The following RPS6KC1 variants were observed in gnomAD, a reference collection of about 807,000 sequenced individuals.
RPS6KC1 encodes inactive ribosomal protein S6 kinase delta-1.
In RPS6KC1, 54 loss-of-function variants were observed where a neutral mutation model predicts 103.8. That is an observed-to-expected ratio of 0.52 (90% CI 0.42 to 0.65). RPS6KC1 has a LOEUF of 0.65. RPS6KC1 is among the 30% of genes least tolerant of loss of function. The pLI is 0.00. For missense variants in RPS6KC1, 1,151 were observed against 1,253.8 expected (o/e 0.92, Z 1.24); for synonymous variants, 439 against 438.7 (o/e 1.00, Z -0.01).
intron 10 of RPS6KC1, among the ~76,000 whole-genome samples, chr1:213,236,122 T>C (rs1269456067): frequency 6.6e-6 from 1 of 152,078 alleles, no homozygotes; most frequent in African/African-American, 2.4e-5. Flanking sequence ...TGCACACTCC[T>C]TATGGGAATC....
chr1:213,556,254 G>A, the RPS6KC1 span, among the ~76,000 whole-genome samples: 1 of 152,134 alleles, frequency 6.6e-6, no homozygotes, highest in Non-Finnish European at 1.5e-5. Context: ...GGAAGGGGAG[G>A]CAGACTGGGA....
At chr1:213,121,226 T>C (rs960585758) in intron 5 of RPS6KC1, among the ~76,000 whole-genome samples, 2 of 152,230 alleles carry the variant, frequency 1.3e-5, no homozygotes, top group African/African-American at 4.8e-5. Context: ...TGAGCCACTG[T>C]GCTTGGCCTG....
At chr1:213,416,648 C>T in the RPS6KC1 span, among the ~76,000 whole-genome samples, 1 of 152,232 alleles carries the variant, frequency 6.6e-6, no homozygotes, top group Non-Finnish European at 1.5e-5. Context: ...CCCACTGCCA[C>T]ACCCAGACCC....
intron 3 of RPS6KC1, among the ~76,000 whole-genome samples, chr1:213,092,528 C>T (rs975065965): frequency 1.3e-4 from 20 of 151,232 alleles, no homozygotes; most frequent in South Asian, 2.1e-4. Flanking sequence ...AAAATTAGGC[C>T]GGGCATGGTG....
the RPS6KC1 span, among the ~76,000 whole-genome samples, chr1:213,379,634 C>T: frequency 1.3e-5 from 2 of 152,280 alleles, no homozygotes; most frequent in Non-Finnish European, 2.9e-5. Flanking sequence ...CTCTAGCAAA[C>T]GCATACACCA....
the RPS6KC1 span, among the ~76,000 whole-genome samples, chr1:213,464,491 TCA>T: frequency 6.6e-6 from 1 of 152,204 alleles, no homozygotes; most frequent in Admixed American, 6.5e-5. Context: ...TTGATCAGAC[TCA>T]GTTTTATTTT....
chr1:213,680,206 A>G, the RPS6KC1 span, among the ~76,000 whole-genome samples: 1 of 152,220 alleles, frequency 6.6e-6, no homozygotes, highest in South Asian at 2.1e-4. Flanking sequence ...GAACACGAGT[A>G]TTGCACAAAG....
chr1:213,248,154 T>C (rs1410223877), intron 12 of RPS6KC1, among the ~76,000 whole-genome samples: 2 of 152,108 alleles, frequency 1.3e-5, no homozygotes, highest in Non-Finnish European at 2.9e-5. Context: ...CAAATAAATA[T>C]AGATGTATAT....
the RPS6KC1 span, among the ~76,000 whole-genome samples, chr1:213,574,566 A>G: frequency 1.3e-4 from 20 of 152,212 alleles, no homozygotes; most frequent in South Asian, 2.1e-4. Context: ...AAGAAAAAAC[A>G]ACAGATCCAA....
At chr1:213,306,551 T>A in the RPS6KC1 span, among the ~76,000 whole-genome samples, 1 of 152,200 alleles carries the variant, frequency 6.6e-6, no homozygotes, top group Non-Finnish European at 1.5e-5. Flanking sequence ...ATAATGGAGC[T>A]CAAGGTAACC....
chr1:213,758,043 C>T, the RPS6KC1 span, among the ~76,000 whole-genome samples: 1 of 152,162 alleles, frequency 6.6e-6, no homozygotes, highest in African/African-American at 2.4e-5. Context: ...TGACAATGCA[C>T]CTGGCCACCC....
intron 12 of RPS6KC1, among the ~76,000 whole-genome samples, chr1:213,247,151 A>C (rs906993178): frequency 6.6e-6 from 1 of 152,144 alleles, no homozygotes; most frequent in African/African-American, 2.4e-5. Context: ...TTATAGGTGC[A>C]TATGTGTGTA....
the RPS6KC1 span, among the ~76,000 whole-genome samples, chr1:213,441,045 C>T: frequency 3.9e-5 from 6 of 152,130 alleles, no homozygotes; most frequent in Non-Finnish European, 5.9e-5. Context: ...AGGTCAGCTC[C>T]GGCCATTGAG....
the RPS6KC1 span, among the ~76,000 whole-genome samples, chr1:213,384,073 G>C: frequency 1.5e-4 from 23 of 152,224 alleles, no homozygotes; most frequent in African/African-American, 5.5e-4. Flanking sequence ...TCAGGAGATT[G>C]AGACCATCCT....
the RPS6KC1 span, among the ~76,000 whole-genome samples, chr1:213,591,770 G>A: frequency 1.3e-5 from 2 of 152,200 alleles, no homozygotes. Context: ...TAGGGAGAGG[G>A]AGAAGTTGGA....
the RPS6KC1 span, among the ~76,000 whole-genome samples, chr1:213,799,785 T>C: frequency 1.3e-5 from 2 of 152,124 alleles, no homozygotes; most frequent in East Asian, 3.9e-4. Flanking sequence ...TGAGAGGAGC[T>C]TCAGCTCCAC....
chr1:213,260,096 G>T (rs1206377498), intron 12 of RPS6KC1, among the ~76,000 whole-genome samples: 1 of 152,146 alleles, frequency 6.6e-6, no homozygotes, highest in East Asian at 1.9e-4. Flanking sequence ...CAACATATAT[G>T]ATTAAATCTC....
At chr1:213,592,962 G>T in the RPS6KC1 span, among the ~76,000 whole-genome samples, 1 of 152,210 alleles carries the variant, frequency 6.6e-6, no homozygotes, top group Non-Finnish European at 1.5e-5. Context: ...CAAGCCAGGG[G>T]TTAGGAGTGG....
the RPS6KC1 span, among the ~76,000 whole-genome samples, chr1:213,517,760 C>T: frequency 2.6e-5 from 4 of 152,144 alleles, no homozygotes; most frequent in Non-Finnish European, 4.4e-5. Flanking sequence ...TGGTGCAGAG[C>T]TGAGTTCAGT....
Sources: allele counts gnomAD v4.1 joint callset (sites outside exome capture counted in the v4.1 genomes callset), GRCh38; gene constraint gnomAD v4.1.1; transcripts MANE v1.5; gene names NCBI Gene and HGNC (gene_info 2026-07-23, HGNC 2026-07-21).